XIRP2: variants seen among roughly 807,000 people sequenced by gnomAD.
XIRP2 encodes the protein xin actin-binding repeat-containing protein 2.
A neutral mutation model predicts 277.0 loss-of-function variants in XIRP2; 236 were observed. The observed-to-expected ratio is 0.85, with a 90% CI of 0.77 to 0.95. XIRP2 has a LOEUF of 0.95. Among genes scored for constraint, XIRP2 ranks in the 40% least tolerant of loss-of-function variants. The pLI is 0.00. For missense variants in XIRP2, 4,640 were observed against 4,157.5 expected (o/e 1.12, Z -3.19); for synonymous variants, 1,490 against 1,416.5 (o/e 1.05, Z -1.17).
intron 2 of XIRP2, among the ~76,000 whole-genome samples, chr2:167,001,517 A>T (rs2105456095): frequency 6.6e-6 from 1 of 152,286 alleles, no homozygotes; most frequent in Non-Finnish European, 1.5e-5. Flanking sequence ...TGTAAAATAA[A>T]CTATGAAACC....
At chr2:167,028,651 T>G (rs976855038) in intron 2 of XIRP2, among the ~76,000 whole-genome samples, 15 of 151,868 alleles carry the variant, frequency 9.9e-5, no homozygotes, top group Non-Finnish European at 1.5e-5. Flanking sequence ...CTTCAATGTC[T>G]AGACACAGAT....
At position 166,903,577 on chromosome 2, in the gene XIRP2, A is replaced by G. The variant is rs1318705610; in HGVS notation, c.95A>G (p.His32Arg). 3 of 1,613,426 alleles carry G rather than the reference A, an allele frequency of 1.9e-6. No individual in the cohort carries two copies. The highest frequency in any genetic ancestry group is 2.7e-5 in the African/African-American group (2 of 74,886). The change falls in exon 2 of 11, where the codon CAT becomes CGT. Residue 32 changes from histidine (H) to arginine (R), a missense_variant. By Grantham distance (29) the His-to-Arg change is conservative. Transcript: ENST00000409195. ...AGTGAGTGTCATCCCAGGGACAGCC[A>G]TTGTACAATTTTCCAGCCTCAGGAA... ...QRSECHPRDS[H>R]CTIFQPQESK...
intron 2 of XIRP2, among the ~76,000 whole-genome samples, chr2:166,952,757 T>G (rs1686068531): frequency 1.3e-5 from 2 of 152,010 alleles, no homozygotes; most frequent in Admixed American, 1.3e-4. Flanking sequence ...TCTAAAAGTC[T>G]CATTTCAAAT....
intron 2 of XIRP2, among the ~76,000 whole-genome samples, chr2:166,925,302 A>AAAT (rs1685150835): frequency 1.3e-5 from 2 of 151,902 alleles, no homozygotes; most frequent in African/African-American, 4.8e-5. Context: ...ATCAGATCAT[A>AAAT]AATTCTTCAA....
chr2:166,985,460 A>G (rs1358788209), intron 2 of XIRP2, among the ~76,000 whole-genome samples: 4 of 150,854 alleles, frequency 2.7e-5, no homozygotes, highest in Admixed American at 6.6e-5. Flanking sequence ...TTGGAGATAG[A>G]GTCTCTGTCG....
At chr2:167,098,609 G>A (rs996640194) in intron 2 of XIRP2, among the ~76,000 whole-genome samples, 5 of 152,204 alleles carry the variant, frequency 3.3e-5, no homozygotes, top group Admixed American at 2.6e-4. Flanking sequence ...TGATCCTTTG[G>A]AGGAGAAGAG....
intron 2 of XIRP2, among the ~76,000 whole-genome samples, chr2:167,043,085 T>C (rs1273821151): frequency 6.6e-6 from 1 of 152,108 alleles, no homozygotes; most frequent in Admixed American, 6.6e-5. Context: ...GAATGATGTC[T>C]AGGTAAAGTA....
rs112255481 is a variant in XIRP2 at position 166,889,176 on chromosome 2, A to G, written c.-19+619A>G. On this transcript the variant is annotated intron_variant, in intron 1 of 10. Transcript: ENST00000409195. The stretch of plus-strand genomic sequence containing the variant: ...AACATGTGATCTAGCAGACAAATGG[A>G]AGCTCTTCTTACCCCACTTCTTAGG... Among the ~76,000 whole-genome samples, 37 of 152,264 alleles carry G rather than the reference A, an allele frequency of 2.4e-4. 1 individual carries two copies. The highest frequency in any genetic ancestry group is 1.2e-3 in the Admixed American group (18 of 15,288).
intron 4 of XIRP2, among the ~76,000 whole-genome samples, chr2:167,213,995 G>T (rs1466420247): frequency 6.6e-6 from 1 of 151,388 alleles, no homozygotes; most frequent in Non-Finnish European, 1.5e-5. Context: ...GAGGTGGGTG[G>T]ATCACCTGAG....
At chr2:167,020,800 CA>C (rs1687962271) in intron 2 of XIRP2, among the ~76,000 whole-genome samples, 1 of 151,964 alleles carries the variant, frequency 6.6e-6, no homozygotes, top group Admixed American at 6.6e-5. Flanking sequence ...GTTACATCCC[CA>C]TCTGATACTT....
chr2:167,201,232 A>G (rs1573953769), intron 3 of XIRP2, among the ~76,000 whole-genome samples: 2 of 107,584 alleles, frequency 1.9e-5, no homozygotes, highest in African/African-American at 5.5e-5. Flanking sequence ...GAAAGAAAGA[A>G]AGAAAGAAAG....
At chr2:167,084,246 T>C (rs1253122473) in intron 2 of XIRP2, among the ~76,000 whole-genome samples, 10 of 152,212 alleles carry the variant, frequency 6.6e-5, no homozygotes, top group African/African-American at 2.4e-4. Flanking sequence ...ATTACATTTA[T>C]TGATTTGCGT....
intron 5 of XIRP2, among the ~76,000 whole-genome samples, chr2:167,231,833 A>G (rs542428212): frequency 1.4e-4 from 21 of 152,032 alleles, no homozygotes; most frequent in Non-Finnish European, 2.6e-4. Context: ...CAAGAAATTT[A>G]TAAGTATTTC....
At chr2:167,161,509 G>T (rs1016770616) in intron 3 of XIRP2, among the ~76,000 whole-genome samples, 5 of 152,202 alleles carry the variant, frequency 3.3e-5, no homozygotes, top group African/African-American at 1.2e-4. Context: ...CATGGAAGCT[G>T]CTAAGGCTTG....
intron 2 of XIRP2, among the ~76,000 whole-genome samples, chr2:167,010,718 C>A (rs1574159459): frequency 6.6e-6 from 1 of 152,174 alleles, no homozygotes; most frequent in East Asian, 1.9e-4. Context: ...AATGTTCTTC[C>A]ATTTGTTTGT....
chr2:167,224,627 C>T (rs1299840772), intron 5 of XIRP2, among the ~76,000 whole-genome samples: 1 of 152,114 alleles, frequency 6.6e-6, no homozygotes, highest in Non-Finnish European at 1.5e-5. Flanking sequence ...AAAATAATAA[C>T]AGGTCATTTT....
intron 2 of XIRP2, among the ~76,000 whole-genome samples, chr2:167,009,427 G>T (rs1023039490): frequency 3.3e-5 from 5 of 151,902 alleles, no homozygotes; most frequent in African/African-American, 1.2e-4. Flanking sequence ...GTATTCCATG[G>T]TGTATATGTG....
chr2:166,943,177 T>C (rs938536780), intron 2 of XIRP2, among the ~76,000 whole-genome samples: 8 of 152,192 alleles, frequency 5.3e-5, no homozygotes, highest in Non-Finnish European at 1.2e-4. Flanking sequence ...AAAAAGGTAC[T>C]AACTATAAAT....
At chr2:166,913,532 CG>C (rs1558914053) in intron 2 of XIRP2, among the ~76,000 whole-genome samples, 5 of 152,090 alleles carry the variant, frequency 3.3e-5, no homozygotes, top group African/African-American at 1.2e-4. Flanking sequence ...ATCTTGGAAC[CG>C]CCCCAGGTCA....
Sources: gnomAD v4.1 joint callset for allele counts (sites outside exome capture counted in the v4.1 genomes callset) on GRCh38, gnomAD v4.1.1 for gene constraint, MANE v1.5 for transcripts, NCBI Gene and HGNC (gene_info 2026-07-23, HGNC 2026-07-21) for gene names.